The following TSNARE1 variants were observed in gnomAD, a reference collection of about 807,000 sequenced individuals.
TSNARE1 encodes t-SNARE domain-containing protein 1.
A neutral mutation model predicts 62.0 loss-of-function variants in TSNARE1; 49 were observed. The observed-to-expected ratio is 0.79, with a 90% CI of 0.63 to 1.00. The LOEUF (loss-of-function observed/expected upper bound fraction) is 1.00. Ranked by LOEUF, TSNARE1 falls within the 50% of genes least tolerant of loss-of-function variation. The pLI, the probability that TSNARE1 is intolerant of heterozygous loss-of-function variation, is 0.00. For synonymous variants in TSNARE1, 328 were observed against 294.4 expected, an observed-to-expected ratio of 1.11 and a Z score of -1.17; for missense variants, 755 against 700.1, an observed-to-expected ratio of 1.08 and a Z score of -0.88.
chr8:142,269,647 T>C (rs1819350976), intron 12 of TSNARE1: 4 of 985,236 alleles, frequency 4.1e-6, no homozygotes, highest in Non-Finnish European at 4.8e-6. Context: ...GTATTTTTAA[T>C]GGACAAGAAC....
intron 1 of TSNARE1, among the ~76,000 whole-genome samples, chr8:142,399,183 G>A (rs1838113883): frequency 6.6e-6 from 1 of 152,220 alleles, no homozygotes; most frequent in African/African-American, 2.4e-5. Flanking sequence ...CTCTGCCAGG[G>A]AACTCAGACC....
intron 6 of TSNARE1, among the ~76,000 whole-genome samples, chr8:142,328,926 A>C (rs960500201): frequency 3.3e-5 from 5 of 152,022 alleles, no homozygotes; most frequent in Non-Finnish European, 7.4e-5. Flanking sequence ...TCTGAAGCTG[A>C]ATGTATTCGG....
intron 13 of TSNARE1, among the ~76,000 whole-genome samples, chr8:142,223,236 TCATC>T (rs1389197837): frequency 4.0e-5 from 6 of 151,026 alleles, no homozygotes; most frequent in African/African-American, 7.3e-5. Flanking sequence ...ACTCACTCAT[TCATC>T]CACTCACTCA....
Position 142,311,290 on chromosome 8 carries a change from G to GTTTTTTTTTTTT in TSNARE1, c.1131+3082_1131+3093dup, listed in dbSNP as rs58755110. ...CGATTCTCCTGCCTCAGCCTCTCTA[G>GTTTTTTTTTTTT]TTTTTTTTTTTTTTTTTTTTTTTTG... On this transcript the variant is annotated intron_variant, in intron 9 of 13. Coordinates refer to ENST00000524325, the MANE Select transcript of TSNARE1 (RefSeq NM_145003.5). 1.2e-3 allele frequency among the ~76,000 whole-genome samples: 68 copies of GTTTTTTTTTTTT among 57,342 alleles called. 6 individuals are homozygous for GTTTTTTTTTTTT. The highest frequency in any genetic ancestry group is 4.3e-3 in the African/African-American group (46 of 10,726). The allele number at this position is 57,342 out of a possible 152,430, so 37.6% of individuals were successfully genotyped here.
chr8:142,332,681 G>A (rs1302396624), intron 4 of TSNARE1, among the ~76,000 whole-genome samples: 27 of 152,162 alleles, frequency 1.8e-4, no homozygotes, highest in Non-Finnish European at 4.4e-5. Flanking sequence ...GCCACCATGG[G>A]AAGGGTCTGC....
intron 6 of TSNARE1, among the ~76,000 whole-genome samples, chr8:142,325,521 C>T (rs372187379): frequency 7.2e-5 from 11 of 152,144 alleles, no homozygotes; most frequent in Non-Finnish European, 1.6e-4. Context: ...TGCGTGGACA[C>T]GGGGCAGCTC....
At chr8:142,282,779 G>A (rs1821825080) in intron 11 of TSNARE1, among the ~76,000 whole-genome samples, 3 of 147,178 alleles carry the variant, frequency 2.0e-5, no homozygotes, top group African/African-American at 2.6e-5. Context: ...CCAATGAGCA[G>A]AGGCGGGGTC....
intron 6 of TSNARE1, among the ~76,000 whole-genome samples, chr8:142,325,658 G>A (rs1830107844): frequency 2.6e-5 from 4 of 152,134 alleles, no homozygotes; most frequent in Admixed American, 2.6e-4. Flanking sequence ...TAAGTTAGCA[G>A]GAGAGAAGGT....
chr8:142,305,642 TC>T (rs1324377524), intron 9 of TSNARE1, among the ~76,000 whole-genome samples: 1 of 152,170 alleles, frequency 6.6e-6, no homozygotes, highest in East Asian at 1.9e-4. Context: ...CGCGGCCTCC[TC>T]CTGAAAGGCT....
chr8:142,227,147 A>C (rs1183920049), intron 13 of TSNARE1, among the ~76,000 whole-genome samples: 1 of 146,204 alleles, frequency 6.8e-6, no homozygotes, highest in Non-Finnish European at 1.5e-5. Flanking sequence ...CCCACACCCC[A>C]GTGACAGCCA....
intron 1 of TSNARE1, among the ~76,000 whole-genome samples, chr8:142,375,147 C>T (rs1239613979): frequency 6.6e-6 from 1 of 152,244 alleles, no homozygotes; most frequent in Non-Finnish European, 1.5e-5. Flanking sequence ...TGCCACGTGC[C>T]GGTCCTGTCC....
At chr8:142,382,212 A>G (rs1836816267) in intron 1 of TSNARE1, among the ~76,000 whole-genome samples, 1 of 152,120 alleles carries the variant, frequency 6.6e-6, no homozygotes, top group African/African-American at 2.4e-5. Context: ...CTGCAGTTAC[A>G]TGAATCAGTG....
chr8:142,305,619 G>A (rs745768525), intron 9 of TSNARE1, among the ~76,000 whole-genome samples: 3 of 152,262 alleles, frequency 2.0e-5, no homozygotes, highest in South Asian at 2.1e-4. Context: ...TGGCTTAGAC[G>A]CCCGGGTCCC....
chr8:142,339,508 A>C (rs1832239477), intron 4 of TSNARE1, among the ~76,000 whole-genome samples: 2 of 152,190 alleles, frequency 1.3e-5, no homozygotes, highest in South Asian at 4.1e-4. Context: ...TGGATAGAGC[A>C]AATGCTGTTT....
At chr8:142,314,830 A>G (rs1350119841) in intron 8 of TSNARE1, among the ~76,000 whole-genome samples, 173 bp downstream of exon 8, 1 of 152,226 alleles carries the variant, frequency 6.6e-6, no homozygotes, top group African/African-American at 2.4e-5. Flanking sequence ...GCCCTGAGGC[A>G]CAGTCTGGAT....
chr8:142,387,793 G>A (rs2131314302), intron 1 of TSNARE1, among the ~76,000 whole-genome samples: 1 of 152,206 alleles, frequency 6.6e-6, no homozygotes, highest in Non-Finnish European at 1.5e-5. Flanking sequence ...AAAAGCACCA[G>A]GTCCCAACAA....
At position 142,300,630 on chromosome 8, in the gene TSNARE1, C is replaced by G; in HGVS notation, c.1146G>C (p.Pro382=). 6.2e-7 allele frequency: 1 copy of G among 1,613,412 alleles called. No individual in the cohort carries two copies. Among genetic ancestry groups the G allele is most frequent in the South Asian group, 1.1e-5 (1 of 91,018 alleles). The change falls in exon 10 of 14, where the codon CCG becomes CCC. Residue 382 remains proline (P), a synonymous_variant. Coordinates refer to ENST00000524325, the MANE Select transcript of TSNARE1 (RefSeq NM_145003.5). ...QRGSKQSPQA[P]FAELADDEKV... The stretch of plus-strand genomic sequence containing the variant: ...TCTCATCATCAGCCAGCTCGGCAAA[C>G]GGGGCCTGGGGACTCTGCTGATGAC...
At position 142,302,826 on chromosome 8, in the gene TSNARE1, C is replaced by A. The variant is rs535419218; in HGVS notation, c.1132-2182G>T. On this transcript the variant is annotated intron_variant, in intron 9 of 13. Coordinates refer to ENST00000524325, the MANE Select transcript of TSNARE1 (RefSeq NM_145003.5). Reference sequence around the variant, plus strand: ...TAGACCTGGGGTGCAGGCAACCTCTCTGCCTCATCTCTCCCCACTGGACCC... The same window carrying A: ...TAGACCTGGGGTGCAGGCAACCTCTATGCCTCATCTCTCCCCACTGGACCC... Among the ~76,000 whole-genome samples, 55 of 152,292 alleles carry A rather than the reference C, an allele frequency of 3.6e-4. 1 individual carries two copies. Among genetic ancestry groups the A allele is most frequent in the Admixed American group, 3.1e-3 (48 of 15,312 alleles).
intron 4 of TSNARE1, among the ~76,000 whole-genome samples, 162 bp downstream of exon 4, chr8:142,343,794 AGGGGGAGGAG>A (rs1832941561): frequency 2.4e-5 from 1 of 41,424 alleles, no homozygotes; most frequent in Admixed American, 3.1e-4. Flanking sequence ...GAGGAGGAGG[AGGGGGAGGAG>A]GAGGAGGAGG....
Sources: gnomAD v4.1 joint callset for allele counts (sites outside exome capture counted in the v4.1 genomes callset) on GRCh38, gnomAD v4.1.1 for gene constraint, MANE v1.5 for transcripts, NCBI Gene and HGNC (gene_info 2026-07-23, HGNC 2026-07-21) for gene names.